ZNF740: variants seen among roughly 807,000 people sequenced by gnomAD.
The protein encoded by ZNF740 is zinc finger protein 740.
In ZNF740, 14 loss-of-function variants were observed where a neutral mutation model predicts 24.8. The ratio of observed to expected loss-of-function variants is 0.56; its 90% CI spans 0.37 to 0.88. The LOEUF (loss-of-function observed/expected upper bound fraction) is 0.88. Among genes scored for constraint, ZNF740 ranks in the 40% least tolerant of loss-of-function variants. ZNF740 has a pLI of 0.00. For missense variants in ZNF740, 201 were observed against 247.9 expected, an observed-to-expected ratio of 0.81 and a Z score of 1.27; for synonymous variants, 69 against 84.0, an observed-to-expected ratio of 0.82 and a Z score of 0.98.
Position 53,193,052 on chromosome 12 carries a change from T to A in ZNF740, c.*5462T>A, listed in dbSNP as rs1024569899. ...ACCCATACACCGGAATCTTTTGATATTTGCCTTCCATGCCAGGAGATTCCC... is the reference window on the plus strand; with the variant it reads ...ACCCATACACCGGAATCTTTTGATAATTGCCTTCCATGCCAGGAGATTCCC... On this transcript the variant is annotated 3_prime_UTR_variant, in exon 7 of 7. Transcript: ENST00000416904. 7.1e-7 allele frequency: 1 copy of A among 1,403,250 alleles called. No homozygotes were observed. Among genetic ancestry groups the A allele is most frequent in the Non-Finnish European group, 9.9e-7 (1 of 1,013,666 alleles). The allele number at this position is 1,403,250 out of a possible 1,614,324, so 86.9% of individuals were successfully genotyped here. A position where few individuals can be genotyped will look rare whatever the true frequency, so the allele number is the denominator to read the frequency against.
At position 53,193,165 on chromosome 12, in the gene ZNF740, C is replaced by T. The variant is rs1362894444; in HGVS notation, c.*5575C>T. 6.2e-7 allele frequency: 1 copy of T among 1,613,016 alleles called. No individual in the cohort carries two copies. The highest frequency in any genetic ancestry group is 1.7e-5 in the Admixed American group (1 of 59,990). On this transcript the variant is annotated 3_prime_UTR_variant, in exon 7 of 7. Transcript: ENST00000416904. The stretch of plus-strand genomic sequence containing the variant: ...CTCCGCAGAGGATGCCCTCATGTCG[C>T]TCACAGCTGGCATCGTCACACTCGC...
chr12:53,191,513 G>C lies in ZNF740; in HGVS notation c.*3923G>C, dbSNP rs1174877370. ...TTCCTCTCACCCTCCAGTTCCCACT[G>C]TCCTCCAAGGAGAAGAGCCTTGGGT... On this transcript the variant is annotated 3_prime_UTR_variant, in exon 7 of 7. Transcript: ENST00000416904. The C allele has an allele frequency of 6.8e-7, 1 of 1,469,628 alleles. No individual in the cohort carries two copies. Among genetic ancestry groups the C allele is most frequent in the Non-Finnish European group, 9.5e-7 (1 of 1,048,186 alleles). 91.0% of individuals were successfully genotyped at this position (1,469,628 alleles called of 1,614,324 possible).
chr12:53,181,043 C>G, intron 1 of ZNF740: 5 of 877,722 alleles, frequency 5.7e-6, no homozygotes, highest in Non-Finnish European at 7.1e-6. Flanking sequence ...GTCCCCGGCC[C>G]GGGAGAGGGC....
chr12:53,181,380 A>G (rs1170708939), intron 1 of ZNF740: 7 of 985,304 alleles, frequency 7.1e-6, no homozygotes, highest in Non-Finnish European at 7.2e-6. Context: ...CACTGGGCAC[A>G]AAAGCCCCAA....
In ZNF740 at chr12:53,180,734, C is replaced by A; in HGVS notation, c.-411C>A. On this transcript the variant is annotated 5_prime_UTR_variant, in exon 1 of 7. Coordinates refer to ENST00000416904, the MANE Select transcript of ZNF740 (RefSeq NM_001004304.4). ...GGGGTTGGTGTTTGTAAACTTGCCT[C>A]GGTCCCGGTGGGGGCAGCCGCGGCG... 7.9e-7 allele frequency: 1 copy of A among 1,263,860 alleles called. No homozygotes were observed. Among genetic ancestry groups the A allele is most frequent in the Non-Finnish European group, 1.0e-6 (1 of 976,122 alleles). 78.3% of individuals were successfully genotyped at this position (1,263,860 alleles called of 1,614,324 possible). A position where few individuals can be genotyped will look rare whatever the true frequency, so the allele number is the denominator to read the frequency against.
chr12:53,188,462 C>T lies in ZNF740; in HGVS notation c.*872C>T, dbSNP rs1200009427. On this transcript the variant is annotated 3_prime_UTR_variant, in exon 7 of 7. Transcript: ENST00000416904. ...TGTGGCTACCTCGCTGCCATTGACT[C>T]CTAAAGTGAGACAGATGTGTTGAGC... The T allele has an allele frequency of 6.6e-6, 1 of 152,530 alleles. No homozygotes were observed. Among genetic ancestry groups the T allele is most frequent in the Non-Finnish European group, 1.5e-5 (1 of 68,036 alleles). The allele number at this position is 152,530 out of a possible 1,614,324, so 9.4% of individuals were successfully genotyped here.
rs756979644 is a variant in ZNF740 at position 53,194,233 on chromosome 12, G to A, written c.*6643G>A. The A allele has an allele frequency of 3.7e-6, 6 of 1,613,842 alleles. No individual in the cohort carries two copies. Among genetic ancestry groups the A allele is most frequent in the Non-Finnish European group, 5.1e-6 (6 of 1,179,984 alleles). On this transcript the variant is annotated 3_prime_UTR_variant, in exon 7 of 7. Coordinates refer to ENST00000416904, the MANE Select transcript of ZNF740 (RefSeq NM_001004304.4). ...ATTCGGACGTGGTTGCACTGTCCTC[G>A]ATCCTCAGCCTTACCCTCCCTCTTC...
intron 1 of ZNF740, chr12:53,181,058 G>T: frequency 1.1e-6 from 1 of 905,604 alleles, no homozygotes; most frequent in African/African-American, 1.8e-5. Context: ...GAGGGCTCTC[G>T]GAGGGGACGC....
chr12:53,194,089 C>G lies in ZNF740; in HGVS notation c.*6499C>G. On this transcript the variant is annotated 3_prime_UTR_variant, in exon 7 of 7. Transcript: ENST00000416904. Reference sequence around the variant, plus strand: ...AGGAAGGATGGATGGAGGACTACCTCAGGCTCTCATGTCACTCCCTGTACC... The same window carrying G: ...AGGAAGGATGGATGGAGGACTACCTGAGGCTCTCATGTCACTCCCTGTACC... The G allele has an allele frequency of 2.0e-6, 3 of 1,496,906 alleles. No homozygotes were observed. Among genetic ancestry groups the G allele is most frequent in the Non-Finnish European group, 2.8e-6 (3 of 1,088,096 alleles). 92.7% of individuals were successfully genotyped at this position (1,496,906 alleles called of 1,614,324 possible). A position where few individuals can be genotyped will look rare whatever the true frequency, so the allele number is the denominator to read the frequency against.
At position 53,188,628 on chromosome 12, in the gene ZNF740, GC is replaced by G. The variant is rs989726297; in HGVS notation, c.*1039del. ...CTGACATGCCTGTTGAGCAGTAGGA[GC>G]TGTTCTCCCTCCCCAAGTCCTATCA... On this transcript the variant is annotated 3_prime_UTR_variant, in exon 7 of 7. Transcript: ENST00000416904. The G allele has an allele frequency of 6.6e-6, 1 of 152,328 alleles. No individual in the cohort carries two copies. The highest frequency in any genetic ancestry group is 2.4e-5 in the African/African-American group (1 of 41,418). 9.4% of individuals were successfully genotyped at this position (152,328 alleles called of 1,614,324 possible).
At position 53,193,938 on chromosome 12, in the gene ZNF740, A is replaced by T. The variant is rs762905069; in HGVS notation, c.*6348A>T. On this transcript the variant is annotated 3_prime_UTR_variant, in exon 7 of 7. Transcript: ENST00000416904. Reference sequence around the variant, plus strand: ...CAGGAATCAGGCCATGGTTATACACATGCACACACACATACCCCAAACTCA... The same window carrying T: ...CAGGAATCAGGCCATGGTTATACACTTGCACACACACATACCCCAAACTCA... 2.6e-5 allele frequency: 41 copies of T among 1,563,614 alleles called. No homozygotes were observed. Among genetic ancestry groups the T allele is most frequent in the Non-Finnish European group, 3.6e-5 (41 of 1,144,950 alleles).
chr12:53,192,527 T>A lies in ZNF740; in HGVS notation c.*4937T>A, dbSNP rs536121863. 27 of 1,614,010 alleles carry A rather than the reference T, an allele frequency of 1.7e-5. No individual in the cohort carries two copies. The highest frequency in any genetic ancestry group is 6.7e-5 in the African/African-American group (5 of 75,044). On this transcript the variant is annotated 3_prime_UTR_variant, in exon 7 of 7. Coordinates refer to ENST00000416904, the MANE Select transcript of ZNF740 (RefSeq NM_001004304.4). Reference sequence around the variant, plus strand: ...TGGGCCAGTCCTGAAGGCCCCACACTCTGCACAGTCCCTGTGTAGTAGATG... The same window carrying A: ...TGGGCCAGTCCTGAAGGCCCCACACACTGCACAGTCCCTGTGTAGTAGATG...
intron 6 of ZNF740, 111 bp downstream of exon 6, chr12:53,186,620 T>C (rs1941826893): frequency 1.3e-6 from 1 of 788,298 alleles, no homozygotes; most frequent in Non-Finnish European, 2.1e-6. Flanking sequence ...CTCGCCATAA[T>C]AGTTAACACA....
rs1212026763 is a variant in ZNF740 at position 53,190,925 on chromosome 12, C to T, written c.*3335C>T. On this transcript the variant is annotated 3_prime_UTR_variant, in exon 7 of 7. Coordinates refer to ENST00000416904, the MANE Select transcript of ZNF740 (RefSeq NM_001004304.4). ...GGTTTTAGTTGTTTTCCTTTTTTCT[C>T]CCTACATAATCACCCCACAACTTCC... The T allele has an allele frequency of 1.3e-5, 2 of 152,572 alleles. No homozygotes were observed. Among genetic ancestry groups the T allele is most frequent in the East Asian group, 3.9e-4 (2 of 5,194 alleles). 9.5% of individuals were successfully genotyped at this position (152,572 alleles called of 1,614,324 possible). A position where few individuals can be genotyped will look rare whatever the true frequency, so the allele number is the denominator to read the frequency against.
At position 53,187,558 on chromosome 12, in the gene ZNF740, T is replaced by C; in HGVS notation, c.550T>C (p.Ser184Pro). The C allele has an allele frequency of 6.2e-7, 1 of 1,613,990 alleles. No homozygotes were observed. Among genetic ancestry groups the C allele is most frequent in the Middle Eastern group, 1.6e-4 (1 of 6,062 alleles). ...CAAACGGATGTGCCAAGGGTGCCAG[T>C]CCAAGACTTCCGACGGGCAGTTTTC... ...RHKRMCQGCQSKTSDGQFSL is the reference protein window; with the variant it reads ...RHKRMCQGCQPKTSDGQFSL Residue 184 changes from serine (S) to proline (P), a missense_variant, in exon 7 of 7, where the codon TCC becomes CCC. Physicochemically the swap from Ser to Pro is moderately conservative, Grantham distance 74. Coordinates refer to ENST00000416904, the MANE Select transcript of ZNF740 (RefSeq NM_001004304.4).
intron 2 of ZNF740, among the ~76,000 whole-genome samples, chr12:53,183,588 CTTACT>C (rs1396846568): frequency 6.6e-6 from 1 of 151,924 alleles, no homozygotes; most frequent in African/African-American, 2.4e-5. Context: ...TTAAACATAC[CTTACT>C]TAAGTAATTG....
rs17124308 is a variant in ZNF740, at chr12:53,195,141, T to G, written c.*7551T>G. 0.012 allele frequency: 6,546 copies of G among 550,244 alleles called. 332 individuals carry two copies. Among genetic ancestry groups the G allele is most frequent in the African/African-American group, 0.11 (5,852 of 53,238 alleles). 34.1% of individuals were successfully genotyped at this position (550,244 alleles called of 1,614,324 possible). A position where few individuals can be genotyped will look rare whatever the true frequency, so the allele number is the denominator to read the frequency against. On this transcript the variant is annotated 3_prime_UTR_variant, in exon 7 of 7. Transcript: ENST00000416904. ...AATAAAAGCTCAGTGATTGAAACTTTCCTTTCTTGCCCAGAGCAGAGCTCC... is the reference window on the plus strand; with the variant it reads ...AATAAAAGCTCAGTGATTGAAACTTGCCTTTCTTGCCCAGAGCAGAGCTCC...
In ZNF740 at chr12:53,193,123, C is replaced by T. The variant is rs1039731400; in HGVS notation, c.*5533C>T. 1.9e-6 allele frequency: 3 copies of T among 1,594,556 alleles called. No homozygotes were observed. In the African/African-American group the frequency reaches 4.0e-5, roughly 21 times the overall value. Reference sequence around the variant, plus strand: ...AGGCCTCTCAGACCCCGCCCTTCTCCCCAAGGCTCCAGGTACCTCCGCAGA... The same window carrying T: ...AGGCCTCTCAGACCCCGCCCTTCTCTCCAAGGCTCCAGGTACCTCCGCAGA... On this transcript the variant is annotated 3_prime_UTR_variant, in exon 7 of 7. Coordinates refer to ENST00000416904, the MANE Select transcript of ZNF740 (RefSeq NM_001004304.4).
At position 53,190,577 on chromosome 12, in the gene ZNF740, G is replaced by C. The variant is rs111306157; in HGVS notation, c.*2987G>C. 1 of 152,514 alleles carries C rather than the reference G, an allele frequency of 6.6e-6. No homozygotes were observed. The highest frequency in any genetic ancestry group is 1.9e-4 in the East Asian group (1 of 5,182). The allele number at this position is 152,514 out of a possible 1,614,324, so 9.4% of individuals were successfully genotyped here. A position where few individuals can be genotyped will look rare whatever the true frequency, so the allele number is the denominator to read the frequency against. ...TTGGAGGGTTACATTAGTGGAGTCC[G>C]CCACAGCTTCGAACCCTCTCCCCAG... On this transcript the variant is annotated 3_prime_UTR_variant, in exon 7 of 7. Coordinates refer to ENST00000416904, the MANE Select transcript of ZNF740 (RefSeq NM_001004304.4).
Sources: gnomAD v4.1 joint callset for allele counts (sites outside exome capture counted in the v4.1 genomes callset) on GRCh38, gnomAD v4.1.1 for gene constraint, MANE v1.5 for transcripts, NCBI Gene and HGNC (gene_info 2026-07-23, HGNC 2026-07-21) for gene names.